NOTCH2: variants seen among roughly 807,000 people sequenced by gnomAD.
The protein encoded by NOTCH2 is neurogenic locus notch homolog protein 2.
Under a neutral mutation model 235.8 loss-of-function variants are expected in NOTCH2, and 29 were observed. The observed-to-expected ratio is 0.12, with a 90% CI of 0.09 to 0.17. The LOEUF (loss-of-function observed/expected upper bound fraction) is 0.17. NOTCH2 is among the 10% of genes least tolerant of loss of function. The pLI is 1.00. For synonymous variants in NOTCH2, 1,086 were observed against 1,141.5 expected (o/e 0.95, Z 0.98); for missense variants, 2,285 against 3,150.2 (o/e 0.73, Z 6.57).
rs202022988 is a variant in NOTCH2 at position 119,925,587 on chromosome 1, C to T, written c.4229G>A (p.Arg1410His). ...GGGGGGTGCCGTGTAGAGTTCACAG[C>T]GGCTACCCGAGAATGGTGGGGCACA... ...CQCAPPFSGS[R>H]CELYTAPPST... The change falls in exon 25 of 34, where the codon CGC becomes CAC. Residue 1410 changes from arginine to histidine, a missense_variant. Coordinates refer to ENST00000256646, the MANE Select transcript of NOTCH2 (RefSeq NM_024408.4). 8.3e-5 allele frequency: 134 copies of T among 1,613,910 alleles called. No homozygotes were observed. The highest frequency in any genetic ancestry group is 4.9e-4 in the Middle Eastern group (3 of 6,084).
intron 2 of NOTCH2, among the ~76,000 whole-genome samples, chr1:120,009,572 C>T (rs1237437695): frequency 6.6e-6 from 1 of 152,194 alleles, no homozygotes; most frequent in Non-Finnish European, 1.5e-5. Context: ...CTACTTCTTA[C>T]TTATCCCTCC....
intron 5 of NOTCH2, among the ~76,000 whole-genome samples, chr1:119,984,796 A>G (rs1651948312): frequency 6.6e-6 from 1 of 152,202 alleles, no homozygotes; most frequent in South Asian, 2.1e-4. Flanking sequence ...AATAATATCA[A>G]TACAAACGTG....
At chr1:119,932,665 G>A (rs1649711868) in intron 22 of NOTCH2, among the ~76,000 whole-genome samples, 1 of 151,918 alleles carries the variant, frequency 6.6e-6, no homozygotes, top group Non-Finnish European at 1.5e-5. Flanking sequence ...GAGAGAGAGA[G>A]AGGAAGTTCT....
At chr1:119,998,880 C>T (rs1167011094) in intron 3 of NOTCH2, among the ~76,000 whole-genome samples, 3 of 138,020 alleles carry the variant, frequency 2.2e-5, no homozygotes, top group African/African-American at 8.3e-5. Context: ...TGATGTTCCC[C>T]TTCCTGTGTC....
chr1:119,925,801 C>T lies in NOTCH2; in HGVS notation c.4015G>A (p.Gly1339Arg), dbSNP rs1395799589. Residue 1339 changes from glycine (G) to arginine (R), a missense_variant, in exon 25 of 34, where the codon GGG (glycine) becomes AGG (arginine). This residue lies in a region of NOTCH2 where 1,173 missense variants were observed against 1,515.3 expected (regional missense o/e 0.77). Transcript: ENST00000256646. ...FICRCPPGFS[G>R]ARCQSSCGQV... ...CCACAGCTGCTCTGGCACCTTGCCC[C>T]GGAAAATCCCTGTGGAAATCAGTGA... The T allele has an allele frequency of 3.7e-6, 6 of 1,613,894 alleles. No homozygotes were observed. Among genetic ancestry groups the T allele is most frequent in the East Asian group, 4.5e-5 (2 of 44,890 alleles).
At chr1:119,944,492 G>C (rs1306196060) in intron 17 of NOTCH2, among the ~76,000 whole-genome samples, 4 of 143,750 alleles carry the variant, frequency 2.8e-5, no homozygotes, top group Admixed American at 7.3e-5. Flanking sequence ...CCAAGTTCAC[G>C]CCACTGCACT....
chr1:119,919,653 G>T, intron 30 of NOTCH2, 40 bp from the exon 31 acceptor site: 1 of 1,592,108 alleles, frequency 6.3e-7, no homozygotes, highest in South Asian at 1.1e-5. Context: ...TCAAGAAGGA[G>T]AAGGTAGTTA....
rs188890898 is a variant in NOTCH2 at position 119,985,135 on chromosome 1, A to G, written c.874+1825T>C. ...GAGCTGAAGCCATGAAAGGCTTCAT[A>G]TAACAGAAGAAGGATCTTAGACTTT... On this transcript the variant is annotated intron_variant, in intron 5 of 33. Coordinates refer to ENST00000256646, the MANE Select transcript of NOTCH2 (RefSeq NM_024408.4). 6.6e-5 allele frequency among the ~76,000 whole-genome samples: 10 copies of G among 152,302 alleles called. 1 individual carries two copies.
intron 5 of NOTCH2, among the ~76,000 whole-genome samples, chr1:119,973,893 G>T (rs994454182): frequency 6.6e-6 from 1 of 152,154 alleles, no homozygotes; most frequent in Non-Finnish European, 1.5e-5. Flanking sequence ...CTTTGGCTGG[G>T]GTTTTAGAAG....
intron 1 of NOTCH2, among the ~76,000 whole-genome samples, chr1:120,058,546 T>A (rs1234810544): frequency 7.0e-6 from 1 of 143,770 alleles, no homozygotes; most frequent in Non-Finnish European, 1.5e-5. Flanking sequence ...AAGTACCAGC[T>A]CTGTCACTTA....
At chr1:119,957,829 A>AAAACACAC (rs1650762183) in intron 12 of NOTCH2, among the ~76,000 whole-genome samples, 3 of 116,438 alleles carry the variant, frequency 2.6e-5, no homozygotes, top group Admixed American at 9.3e-5. Flanking sequence ...GCCTTATATA[A>AAAACACAC]ACACACACAC....
Position 119,969,496 on chromosome 1 carries a change from C to T in NOTCH2, c.1108+15G>A. The T allele has an allele frequency of 6.2e-7, 1 of 1,611,496 alleles. No individual in the cohort carries two copies. The highest frequency in any genetic ancestry group is 8.5e-7 in the Non-Finnish European group (1 of 1,178,424). On this transcript the variant is annotated intron_variant, in intron 6 of 33. Transcript: ENST00000256646. ...GCCCCTTCCCTGTTTCTAGATCCGTCCTTCTGCTACCTACCTGCCTTCCCC... is the reference window on the plus strand; with the variant it reads ...GCCCCTTCCCTGTTTCTAGATCCGTTCTTCTGCTACCTACCTGCCTTCCCC...
intron 2 of NOTCH2, among the ~76,000 whole-genome samples, chr1:120,017,912 A>G (rs1365504365): frequency 1.3e-5 from 2 of 150,174 alleles, no homozygotes; most frequent in East Asian, 2.0e-4. Context: ...AGCCCTGACT[A>G]AGAAAAAAAA....
chr1:119,960,468 T>A (rs1406820201), intron 11 of NOTCH2, among the ~76,000 whole-genome samples: 9 of 150,616 alleles, frequency 6.0e-5, no homozygotes, highest in South Asian at 2.1e-4. Flanking sequence ...AATATATTTG[T>A]AATATATTTC....
chr1:119,913,556 A>G lies in NOTCH2; in HGVS notation c.*1750T>C, dbSNP rs965796187. 5 of 233,174 alleles carry G rather than the reference A, an allele frequency of 2.1e-5. No individual in the cohort carries two copies. The highest frequency in any genetic ancestry group is 1.1e-4 in the African/African-American group (5 of 45,344). 14.4% of individuals were successfully genotyped at this position (233,174 alleles called of 1,614,324 possible). A position where few individuals can be genotyped will look rare whatever the true frequency, so the allele number is the denominator to read the frequency against. On this transcript the variant is annotated 3_prime_UTR_variant, in exon 34 of 34. Transcript: ENST00000256646. ...CAGTGTAGCCATGGACCAATTATTA[A>G]CTGGCCCAAGGAGAAGAGGAAGAAA... is the stretch of plus-strand genomic sequence containing the variant.
Position 119,911,711 on chromosome 1 carries a change from A to G in NOTCH2, c.*3595T>C, listed in dbSNP as rs1483933103. 4.3e-6 allele frequency: 1 copy of G among 233,112 alleles called. No homozygotes were observed. The highest frequency in any genetic ancestry group is 8.5e-6 in the Non-Finnish European group (1 of 118,026). The allele number at this position is 233,112 out of a possible 1,614,324, so 14.4% of individuals were successfully genotyped here. On this transcript the variant is annotated 3_prime_UTR_variant, in exon 34 of 34. Coordinates refer to ENST00000256646, the MANE Select transcript of NOTCH2 (RefSeq NM_024408.4). ...AACCAATCATTTACATAACAGCATA[A>G]TTAATATTATGACTTATATCCCAGT... is the stretch of plus-strand genomic sequence containing the variant.
chr1:119,969,669 T>C lies in NOTCH2; in HGVS notation c.950A>G (p.Asn317Ser). The C allele has an allele frequency of 6.2e-7, 1 of 1,614,152 alleles. No homozygotes were observed. The highest frequency in any genetic ancestry group is 8.5e-7 in the Non-Finnish European group (1 of 1,179,992). The change falls in exon 6 of 34, where the codon AAC (asparagine) becomes AGC (serine). Residue 317 changes from asparagine to serine, a missense_variant. Physicochemically the swap from Asn to Ser is conservative, Grantham distance 46. Coordinates refer to ENST00000256646, the MANE Select transcript of NOTCH2 (RefSeq NM_024408.4). Reference protein sequence around the residue: ...NACQNGGTCANRNGGYGCVCV... With the variant: ...NACQNGGTCASRNGGYGCVCV... The stretch of plus-strand genomic sequence containing the variant: ...TACACAGCCATAGCCTCCATTGCGG[T>C]TGGCACAGGTGCCCCCATTTTGACA...
Position 119,916,245 on chromosome 1 carries a change from C to G in NOTCH2, c.6477G>C (p.Thr2159=), listed in dbSNP as rs145566650. The stretch of plus-strand genomic sequence containing the variant: ...GAGAGGATGTGGTGTCGGAAACATA[C>G]GTGTGAGGAGATTCTAGGGAATCAA... ...SPVDSLESPH[T]YVSDTTSSPM... Residue 2159 remains threonine, a synonymous_variant, in exon 34 of 34, where the codon ACG becomes ACC. Transcript: ENST00000256646. The G allele has an allele frequency of 1.9e-6, 3 of 1,614,164 alleles. No individual in the cohort carries two copies. The highest frequency in any genetic ancestry group is 4.5e-5 in the East Asian group (2 of 44,882).
At chr1:119,955,464 T>C (rs1650653875) in intron 12 of NOTCH2, among the ~76,000 whole-genome samples, 1 of 152,196 alleles carries the variant, frequency 6.6e-6, no homozygotes, top group Admixed American at 6.5e-5. Flanking sequence ...GCTGGAAAAG[T>C]GTTATAGCAA....
Sources: allele counts gnomAD v4.1 joint callset (sites outside exome capture counted in the v4.1 genomes callset), GRCh38; gene constraint gnomAD v4.1.1; regional missense constraint gnomAD v4.1.1; transcripts MANE v1.5; gene names NCBI Gene and HGNC (gene_info 2026-07-23, HGNC 2026-07-21).